The following MUC3A variants were observed in gnomAD, a reference collection of about 807,000 sequenced individuals.
The protein encoded by MUC3A is mucin-3A.
A neutral mutation model predicts 109.0 loss-of-function variants in MUC3A; 109 were observed. That is an observed-to-expected ratio of 1.00 (90% confidence interval 0.86 to 1.17). The LOEUF (loss-of-function observed/expected upper bound fraction) is 1.17. MUC3A is among the 50% of genes most tolerant of loss of function. The pLI is 0.00. For missense variants in MUC3A, 3,537 were observed against 2,469.4 expected, an observed-to-expected ratio of 1.43 and a Z score of -9.16; for synonymous variants, 1,398 against 981.4, an observed-to-expected ratio of 1.42 and a Z score of -7.93.
chr7:100,965,832 C>T lies in MUC3A; in HGVS notation c.9577C>T (p.Gln3193Ter). ...VDNAIDCHQG[Q>*]CVLETSGPTC... The stretch of plus-strand genomic sequence containing the variant: ...CAACGCCATCGACTGTCACCAGGGC[C>T]AGTGCGTTCTGGAGACGAGCGGTCC... The change falls in exon 8 of 12, where the codon CAG (glutamine) becomes TAG (stop). Residue 3193 changes from glutamine (Q) to a stop codon, truncating the protein, a stop_gained. Coordinates refer to ENST00000379458, the MANE Select transcript of MUC3A (RefSeq NM_005960.2). LOFTEE classifies it high-confidence loss of function. The T allele has an allele frequency of 6.3e-7, 1 of 1,597,128 alleles. No individual in the cohort carries two copies. The highest frequency in any genetic ancestry group is 1.3e-5 in the African/African-American group (1 of 75,034).
rs796525837 is a variant in MUC3A, at chr7:100,952,954, C to T, written c.1175C>T (p.Thr392Ile). ...TPMTNLVTTTTEISSHSTPSF... is the reference protein window; with the variant it reads ...TPMTNLVTTTIEISSHSTPSF... ...ATGACAAACTTGGTAACCACCACCA[C>T]TGAGATCTCCTCCCACAGTACTCCC... The change falls in exon 2 of 12, where the codon ACT (threonine) becomes ATT (isoleucine). Residue 392 changes from threonine to isoleucine, a missense_variant. By Grantham distance (89) the Thr-to-Ile change is moderately conservative (BLOSUM62 -1). Transcript: ENST00000379458. 4 of 1,560,676 alleles carry T rather than the reference C, an allele frequency of 2.6e-6. No homozygotes were observed. The highest frequency in any genetic ancestry group is 3.4e-6 in the Non-Finnish European group (4 of 1,163,230).
chr7:100,965,014 C>A, intron 6 of MUC3A, 171 bp downstream of exon 6: 1 of 1,182,640 alleles, frequency 8.5e-7, no homozygotes, highest in Non-Finnish European at 1.2e-6. Context: ...TAGGGAGGGT[C>A]TCCCCGTGAC....
Position 100,954,138 on chromosome 7 carries a change from A to G in MUC3A, c.2359A>G (p.Ser787Gly). The G allele has an allele frequency of 1.7e-6, 1 of 588,118 alleles. No homozygotes were observed. Among genetic ancestry groups the G allele is most frequent in the Non-Finnish European group, 3.0e-6 (1 of 334,398 alleles). 36.4% of individuals were successfully genotyped at this position (588,118 alleles called of 1,614,324 possible). ...FTSSTVYSTASTYTTAITSVP... is the reference protein window; with the variant it reads ...FTSSTVYSTAGTYTTAITSVP... ...TTCTTCAACCGTCTACTCCACAGCC[A>G]GCACATACACAACTGCCATCACCTC... The change falls in exon 2 of 12, where the codon AGC (serine) becomes GGC (glycine). Residue 787 changes from serine (S) to glycine (G), a missense_variant. Ser to Gly is a moderately conservative substitution (Grantham distance 56, BLOSUM62 0). Transcript: ENST00000379458.
chr7:100,958,786 A>C lies in MUC3A; in HGVS notation c.7007A>C (p.His2336Pro). 5.9e-6 allele frequency: 7 copies of C among 1,191,690 alleles called. No homozygotes were observed. Among genetic ancestry groups the C allele is most frequent in the Non-Finnish European group, 7.3e-6 (7 of 954,440 alleles). 73.8% of individuals were successfully genotyped at this position (1,191,690 alleles called of 1,614,324 possible). The change falls in exon 2 of 12, where the codon CAC becomes CCC. Residue 2336 changes from histidine to proline, a missense_variant. Coordinates refer to ENST00000379458, the MANE Select transcript of MUC3A (RefSeq NM_005960.2). ...SSITTTETTS[H>P]NTRSFTSSIT... ...ATCACCACCACCGAGACCACCTCAC[A>C]CAATACTCGCAGCTTCACTTCTTCG...
chr7:100,953,222 C>A lies in MUC3A; in HGVS notation c.1443C>A (p.Ser481=). ...CGGTTTCCAGTTCCTCAGCAATGTCCACGAGTGTCATTCCATCTTCCCCCA... is the reference window on the plus strand; with the variant it reads ...CGGTTTCCAGTTCCTCAGCAATGTCAACGAGTGTCATTCCATCTTCCCCCA... ...TFTVSSSSAM[S]TSVIPSSPSI... The change falls in exon 2 of 12, where the codon TCC becomes TCA. Residue 481 remains serine (S), a synonymous_variant. Coordinates refer to ENST00000379458, the MANE Select transcript of MUC3A (RefSeq NM_005960.2). 7.6e-6 allele frequency: 3 copies of A among 397,028 alleles called. No homozygotes were observed. Among genetic ancestry groups the A allele is most frequent in the Non-Finnish European group, 8.3e-6 (2 of 240,290 alleles). The allele number at this position is 397,028 out of a possible 1,614,324, so 24.6% of individuals were successfully genotyped here.
rs772744192 is a variant in MUC3A, at chr7:100,960,383, C to A, written c.8604C>A (p.Thr2868=). The A allele has an allele frequency of 5.0e-6, 8 of 1,598,416 alleles. No individual in the cohort carries two copies. Among genetic ancestry groups the A allele is most frequent in the Non-Finnish European group, 6.8e-6 (8 of 1,179,830 alleles). ...TTTTCACAAGTACTCGACTGCCCAC[C>A]AGTGAGACCTGGCTGAGCAACAGTT... ...NTVFTSTRLP[T]SETWLSNSSV... Residue 2868 remains threonine (T), a synonymous_variant, in exon 2 of 12, where the codon ACC becomes ACA. Coordinates refer to ENST00000379458, the MANE Select transcript of MUC3A (RefSeq NM_005960.2).
intron 8 of MUC3A, chr7:100,966,123 TC>T (rs1230340900): frequency 0.024 from 12,517 of 516,494 alleles, 188 homozygotes; most frequent in Middle Eastern, 0.034. Context: ...GGGCCCCGCC[TC>T]CTCGTTCTAG....
Position 100,956,608 on chromosome 7 carries a change from C to G in MUC3A, c.4829C>G (p.Thr1610Arg), listed in dbSNP as rs1325849509. The change falls in exon 2 of 12, where the codon ACA becomes AGA. Residue 1610 changes from threonine (T) to arginine (R), a missense_variant. Coordinates refer to ENST00000379458, the MANE Select transcript of MUC3A (RefSeq NM_005960.2). The stretch of plus-strand genomic sequence containing the variant: ...GTCTCCAGCATGTCTGCAAGGCCAA[C>G]AAGTGTCATTCCTTCATCTCCCACT... ...YTVSSMSARPTSVIPSSPTVQ... is the reference protein window; with the variant it reads ...YTVSSMSARPRSVIPSSPTVQ... The G allele has an allele frequency of 2.4e-6, 1 of 424,558 alleles. No homozygotes were observed. Among genetic ancestry groups the G allele is most frequent in the African/African-American group, 2.0e-5 (1 of 48,948 alleles). 26.3% of individuals were successfully genotyped at this position (424,558 alleles called of 1,614,324 possible).
chr7:100,965,516 C>A, intron 7 of MUC3A, 169 bp downstream of exon 7: 1 of 1,418,732 alleles, frequency 7.0e-7, no homozygotes, highest in Non-Finnish European at 9.5e-7. Flanking sequence ...CTGAGGACAG[C>A]AGGGGCCACG....
Position 100,959,914 on chromosome 7 carries a change from C to A in MUC3A, c.8135C>A (p.Ser2712Tyr), listed in dbSNP as rs748349975. ...TCCACTACCATTCATTCTGTTCCTT[C>A]TTCACCATACATTTTCAGTACAGAA... ...VFSTTIHSVP[S>Y]SPYIFSTENV... The change falls in exon 2 of 12, where the codon TCT (serine) becomes TAT (tyrosine). Residue 2712 changes from serine to tyrosine, a missense_variant. Physicochemically the swap from Ser to Tyr is moderately radical, Grantham distance 144. Coordinates refer to ENST00000379458, the MANE Select transcript of MUC3A (RefSeq NM_005960.2). 6.6e-7 allele frequency: 1 copy of A among 1,523,320 alleles called. No individual in the cohort carries two copies. The highest frequency in any genetic ancestry group is 8.7e-7 in the Non-Finnish European group (1 of 1,146,008). 94.4% of individuals were successfully genotyped at this position (1,523,320 alleles called of 1,614,324 possible).
Position 100,960,033 on chromosome 7 carries a change from C to A in MUC3A, c.8254C>A (p.Leu2752Ile), listed in dbSNP as rs746970474. ...SSTSSSLTTA[L>I]TEITPFSYIS... ...AACCAGCTCCTCTCTGACCACAGCT[C>A]TCACTGAAATAACCCCCTTTTCTTA... Residue 2752 changes from leucine to isoleucine, a missense_variant, in exon 2 of 12, where the codon CTC becomes ATC. By Grantham distance (5) the Leu-to-Ile change is conservative. Transcript: ENST00000379458. 1 of 1,509,726 alleles carries A rather than the reference C, an allele frequency of 6.6e-7. No individual in the cohort carries two copies. Among genetic ancestry groups the A allele is most frequent in the Non-Finnish European group, 8.8e-7 (1 of 1,140,470 alleles). The allele number at this position is 1,509,726 out of a possible 1,614,324, so 93.5% of individuals were successfully genotyped here.
chr7:100,951,961 C>T lies in MUC3A; in HGVS notation c.182C>T (p.Pro61Leu), dbSNP rs749625788. The part of the protein sequence containing the change: ...RDLAGWPLGV[P>L]QLASPAPGHR... The stretch of plus-strand genomic sequence containing the variant: ...CTGGCTGGGTGGCCACTTGGTGTCC[C>T]CCAGCTCGCCTCTCCTGCTCCTGGC... Residue 61 changes from proline (P) to leucine (L), a missense_variant, in exon 2 of 12, where the codon CCC becomes CTC. Physicochemically the swap from Pro to Leu is moderately conservative, Grantham distance 98. Transcript: ENST00000379458. 1.3e-6 allele frequency: 2 copies of T among 1,598,648 alleles called. No individual in the cohort carries two copies. Among genetic ancestry groups the T allele is most frequent in the Non-Finnish European group, 1.7e-6 (2 of 1,179,800 alleles).
chr7:100,959,496 A>T lies in MUC3A; in HGVS notation c.7717A>T (p.Ile2573Leu), dbSNP rs200377024. ...TTCCTTTAGCACAAGTATTGTTGTTATACCTGAAACCCCAACACAGACCCC... is the reference window on the plus strand; with the variant it reads ...TTCCTTTAGCACAAGTATTGTTGTTTTACCTGAAACCCCAACACAGACCCC... ...ISSFSTSIVV[I>L]PETPTQTPPV... Residue 2573 changes from isoleucine to leucine, a missense_variant, in exon 2 of 12, where the codon ATA becomes TTA. Physicochemically the swap from Ile to Leu is conservative, Grantham distance 5. Transcript: ENST00000379458. 469 of 1,586,396 alleles carry T rather than the reference A, an allele frequency of 3.0e-4. No homozygotes were observed. The highest frequency in any genetic ancestry group is 5.0e-4 in the Admixed American group (29 of 58,220).
chr7:100,963,863 AG>A (rs1792428066), intron 5 of MUC3A, 111 bp downstream of exon 5: 7 of 1,478,676 alleles, frequency 4.7e-6, no homozygotes, highest in South Asian at 3.6e-5. Flanking sequence ...AGAGGGGTGG[AG>A]GGGGTACATA....
rs1195180218 is a variant in MUC3A, at chr7:100,966,421, C to T, written c.9647C>T (p.Pro3216Leu). The T allele has an allele frequency of 1.5e-6, 2 of 1,348,696 alleles. No homozygotes were observed. The highest frequency in any genetic ancestry group is 1.5e-5 in the African/African-American group (1 of 66,810). 83.5% of individuals were successfully genotyped at this position (1,348,696 alleles called of 1,614,324 possible). Residue 3216 changes from proline (P) to leucine (L), a missense_variant, in exon 9 of 12, where the codon CCG (proline) becomes CTG (leucine). By Grantham distance (98) the Pro-to-Leu change is moderately conservative. Coordinates refer to ENST00000379458, the MANE Select transcript of MUC3A (RefSeq NM_005960.2). ...YSTDTHWFSG[P>L]RCEVAVHWRA... ...ACCGACACGCACTGGTTCTCTGGCC[C>T]GCGCTGCGAGGTGGCCGTCCACTGG... is the stretch of plus-strand genomic sequence containing the variant.
rs753184126 is a variant in MUC3A at position 100,958,981 on chromosome 7, C to T, written c.7202C>T (p.Thr2401Ile). The change falls in exon 2 of 12, where the codon ACC (threonine) becomes ATC (isoleucine). Residue 2401 changes from threonine to isoleucine, a missense_variant. Thr to Ile is a moderately conservative substitution (Grantham distance 89). Coordinates refer to ENST00000379458, the MANE Select transcript of MUC3A (RefSeq NM_005960.2). ...GLTSWVTTTKTTSHITPGLTS... is the reference protein window; with the variant it reads ...GLTSWVTTTKITSHITPGLTS... ...ACTTCGTGGGTCACCACCACCAAGA[C>T]CACCTCACACATTACTCCTGGCCTC... 1.9e-6 allele frequency: 3 copies of T among 1,569,096 alleles called. No homozygotes were observed. The highest frequency in any genetic ancestry group is 2.9e-5 in the African/African-American group (2 of 68,538).
In MUC3A at chr7:100,967,888, GTTTCTCTT is replaced by G; in HGVS notation, c.*727_*734del. 6.3e-6 allele frequency: 1 copy of G among 158,532 alleles called. No homozygotes were observed. Among genetic ancestry groups the G allele is most frequent in the African/African-American group, 2.4e-5 (1 of 41,510 alleles). 9.8% of individuals were successfully genotyped at this position (158,532 alleles called of 1,614,324 possible). On this transcript the variant is annotated 3_prime_UTR_variant, in exon 12 of 12. Coordinates refer to ENST00000379458, the MANE Select transcript of MUC3A (RefSeq NM_005960.2). ...CCGTCACCCCGTTGCCCAGTTCCCC[GTTTCTCTT>G]GCTCTCATTCCTTGTATCTTCTCCC...
chr7:100,961,122 G>C, intron 3 of MUC3A, 185 bp downstream of exon 3: 1 of 973,006 alleles, frequency 1.0e-6, no homozygotes, highest in Non-Finnish European at 1.2e-6. Context: ...ACCCTTAGGA[G>C]GTGGCTGGGA....
At position 100,959,671 on chromosome 7, in the gene MUC3A, T is replaced by A. The variant is rs371822791; in HGVS notation, c.7892T>A (p.Ile2631Asn). The A allele has an allele frequency of 1.1e-5, 17 of 1,598,514 alleles. No individual in the cohort carries two copies. The African/African-American group carries it at 1.9e-4, about 18-fold the overall frequency. ...ATCGTGTCAACATCACAGGTTCCTA[T>A]TCCTAGCACACATTCCTCCACCCTT... ...STIVSTSQVP[I>N]PSTHSSTLQT... Residue 2631 changes from isoleucine to asparagine, a missense_variant, in exon 2 of 12, where the codon ATT becomes AAT. Coordinates refer to ENST00000379458, the MANE Select transcript of MUC3A (RefSeq NM_005960.2).
Sources: allele counts gnomAD v4.1 joint callset, GRCh38; gene constraint gnomAD v4.1.1; transcripts MANE v1.5; gene names NCBI Gene and HGNC (gene_info 2026-07-23, HGNC 2026-07-21).